The following TNNI3K variants were observed in gnomAD, a reference collection of about 807,000 sequenced individuals.
The protein encoded by TNNI3K is serine/threonine-protein kinase TNNI3K.
In TNNI3K, 140 loss-of-function variants were observed where a neutral mutation model predicts 114.5. The ratio of observed to expected loss-of-function variants is 1.22; its 90% CI spans 1.07 to 1.41. The LOEUF is 1.41. Ranked by LOEUF, TNNI3K falls within the 40% of genes most tolerant of loss-of-function variation. The pLI, the probability that TNNI3K is intolerant of heterozygous loss-of-function variation, is 0.00. For synonymous variants in TNNI3K, 347 were observed against 347.5 expected (o/e 1.00, Z 0.02); for missense variants, 1,125 against 1,007.6 (o/e 1.12, Z -1.58).
intron 23 of TNNI3K, among the ~76,000 whole-genome samples, chr1:74,529,511 T>C (rs1422525230): frequency 6.6e-6 from 1 of 152,232 alleles, no homozygotes; most frequent in Non-Finnish European, 1.5e-5. Flanking sequence ...CTGCATGTGA[T>C]TCTGAATTAG....
intron 17 of TNNI3K, chr1:74,371,202 A>T (rs1175647008): frequency 6.6e-6 from 1 of 151,898 alleles, no homozygotes. Flanking sequence ...ATAGTCCTTT[A>T]TAGAAGCTTT....
chr1:74,430,259 G>A (rs1192621782), intron 17 of TNNI3K, among the ~76,000 whole-genome samples: 2 of 151,958 alleles, frequency 1.3e-5, no homozygotes, highest in African/African-American at 2.4e-5. Flanking sequence ...TGAATCATTC[G>A]AGCACTTTAG....
intron 5 of TNNI3K, among the ~76,000 whole-genome samples, chr1:74,324,837 C>T (rs927306100): frequency 2.6e-5 from 4 of 152,154 alleles, no homozygotes; most frequent in Admixed American, 6.5e-5. Context: ...TGGGGCCTTG[C>T]TGTGATTGAG....
intron 4 of TNNI3K, among the ~76,000 whole-genome samples, chr1:74,252,705 C>T (rs1332448678): frequency 2.0e-5 from 3 of 151,394 alleles, no homozygotes; most frequent in Admixed American, 1.3e-4. Context: ...GCTCTTAAGG[C>T]GGCACGTCTG....
intron 21 of TNNI3K, chr1:74,475,331 G>T: frequency 1.4e-6 from 1 of 706,972 alleles, no homozygotes; most frequent in Non-Finnish European, 2.6e-6. Context: ...AGAGTTTGAG[G>T]CTGGACTTCT....
At chr1:74,256,579 T>C (rs1655328516) in intron 4 of TNNI3K, among the ~76,000 whole-genome samples, 1 of 152,022 alleles carries the variant, frequency 6.6e-6, no homozygotes, top group African/African-American at 2.4e-5. Flanking sequence ...GCCTTTTCAT[T>C]TTCATAACAG....
intron 17 of TNNI3K, chr1:74,374,724 G>A (rs1021817441): frequency 6.6e-6 from 1 of 152,034 alleles, no homozygotes; most frequent in Admixed American, 6.6e-5. Context: ...GGCCCATAGT[G>A]TTTAAATATT....
intron 23 of TNNI3K, among the ~76,000 whole-genome samples, chr1:74,510,165 T>C (rs949947872): frequency 6.6e-6 from 1 of 152,152 alleles, no homozygotes; most frequent in African/African-American, 2.4e-5. Flanking sequence ...CCCCTGATTT[T>C]TACTTCCTGA....
At chr1:74,297,554 T>TGTGTGC (rs1658073910) in intron 5 of TNNI3K, among the ~76,000 whole-genome samples, 1 of 151,822 alleles carries the variant, frequency 6.6e-6, no homozygotes, top group African/African-American at 2.4e-5. Context: ...TGTGTGTGTG[T>TGTGTGC]ATAAATATAA....
At chr1:74,479,733 G>A (rs140100397) in intron 21 of TNNI3K, among the ~76,000 whole-genome samples, 1 of 152,314 alleles carries the variant, frequency 6.6e-6, no homozygotes, top group East Asian at 1.9e-4. Flanking sequence ...AGTGCCTTGA[G>A]GAAAGAGTCT....
At position 74,291,377 on chromosome 1, in the gene TNNI3K, AT is replaced by A. The variant is rs563344896; in HGVS notation, c.444+19676del. 4.5e-3 allele frequency among the ~76,000 whole-genome samples: 683 copies of A among 151,516 alleles called. 8 individuals carry two copies. Among genetic ancestry groups the A allele is most frequent in the African/African-American group, 0.016 (645 of 41,474 alleles). On this transcript the variant is annotated intron_variant, in intron 5 of 24. Coordinates refer to ENST00000326637, the MANE Select transcript of TNNI3K (RefSeq NM_015978.3). ...AGTGATCACTTATGACATTTTAACA[AT>A]TTTTTTATGCATGTGGCTGTTACAT...
intron 20 of TNNI3K, among the ~76,000 whole-genome samples, chr1:74,449,030 A>T (rs1666853432): frequency 8.9e-6 from 1 of 112,682 alleles, no homozygotes; most frequent in Non-Finnish European, 1.8e-5. Flanking sequence ...ATAGTTTCAG[A>T]AGGAATGGTA....
intron 4 of TNNI3K, among the ~76,000 whole-genome samples, chr1:74,261,560 T>C (rs1334304627): frequency 6.6e-6 from 1 of 152,112 alleles, no homozygotes; most frequent in Admixed American, 6.6e-5. Flanking sequence ...GGTATCTAAA[T>C]TGTATTCCTA....
intron 17 of TNNI3K, among the ~76,000 whole-genome samples, chr1:74,423,638 C>T (rs563181266): frequency 4.1e-4 from 62 of 152,176 alleles, no homozygotes; most frequent in African/African-American, 1.4e-3. Flanking sequence ...CGCTGTGTTA[C>T]CATACCGCAG....
rs368444266 is a variant in TNNI3K, at chr1:74,351,327, G to A, written c.933-1939G>A. On this transcript the variant is annotated intron_variant, in intron 9 of 24. Coordinates refer to ENST00000326637, the MANE Select transcript of TNNI3K (RefSeq NM_015978.3). ...TCTTCTGGCTTGTAGAGTTTCTGCCGAGAGATCTGCTGTTAGTCTGATGGG... is the reference window on the plus strand; with the variant it reads ...TCTTCTGGCTTGTAGAGTTTCTGCCAAGAGATCTGCTGTTAGTCTGATGGG... 4.6e-3 allele frequency among the ~76,000 whole-genome samples: 689 copies of A among 151,228 alleles called. 6 individuals carry two copies. Among genetic ancestry groups the A allele is most frequent in the African/African-American group, 0.015 (637 of 41,356 alleles).
chr1:74,512,267 G>A (rs893598484), intron 23 of TNNI3K, among the ~76,000 whole-genome samples: 1 of 152,126 alleles, frequency 6.6e-6, no homozygotes, highest in Non-Finnish European at 1.5e-5. Flanking sequence ...TAATCTAGAT[G>A]AGACATGAGT....
chr1:74,500,440 A>T (rs1242080089), intron 23 of TNNI3K, among the ~76,000 whole-genome samples: 1 of 151,532 alleles, frequency 6.6e-6, no homozygotes, highest in African/African-American at 2.4e-5. Flanking sequence ...CGTCTCTACT[A>T]AAAATACAAA....
chr1:74,298,705 A>G (rs183610691), intron 5 of TNNI3K, among the ~76,000 whole-genome samples: 321 of 152,230 alleles, frequency 2.1e-3, no homozygotes, highest in African/African-American at 7.1e-3. Flanking sequence ...ACTATATATA[A>G]TATACTTCCC....
chr1:74,483,273 G>T, intron 21 of TNNI3K: 1 of 717,350 alleles, frequency 1.4e-6, no homozygotes, highest in Non-Finnish European at 2.6e-6. Context: ...TACTATATAG[G>T]TTAGCTGGTG....
Sources: gnomAD v4.1 joint callset for allele counts (sites outside exome capture counted in the v4.1 genomes callset) on GRCh38, gnomAD v4.1.1 for gene constraint, MANE v1.5 for transcripts, NCBI Gene and HGNC (gene_info 2026-07-23, HGNC 2026-07-21) for gene names.